EPHA1: variants seen among roughly 807,000 people sequenced by gnomAD.
The protein encoded by EPHA1 is ephrin type-A receptor 1.
EPHA1 carries 92 observed loss-of-function variants against 110.1 expected under a neutral mutation model. That is an observed-to-expected ratio of 0.84 (90% confidence interval 0.71 to 0.99). The LOEUF is 0.99. EPHA1 is among the 50% of genes least tolerant of loss of function. The pLI is 0.00. For missense variants in EPHA1, 1,204 were observed against 1,285.4 expected, an observed-to-expected ratio of 0.94 and a Z score of 0.97; for synonymous variants, 500 against 516.1, an observed-to-expected ratio of 0.97 and a Z score of 0.42.
At position 143,398,840 on chromosome 7, in the gene EPHA1, T is replaced by A. The variant is rs751098607; in HGVS notation, c.1097A>T (p.Tyr366Phe). The change falls in exon 6 of 18, where the codon TAC becomes TTC. Residue 366 changes from tyrosine (Y) to phenylalanine (F), a missense_variant. Coordinates refer to ENST00000275815, the MANE Select transcript of EPHA1 (RefSeq NM_005232.5). Reference protein sequence around the residue: ...ADTGGRQDVRYSVRCSQCQGT... With the variant: ...ADTGGRQDVRFSVRCSQCQGT... ...CTGACACTGGGAACACCTCACACTG[T>A]ATCTGACATCCTGGCGTCCCCCCGT... is the stretch of plus-strand genomic sequence containing the variant. 8 of 1,613,552 alleles carry A rather than the reference T, an allele frequency of 5.0e-6. No homozygotes were observed. The South Asian group carries it at 8.8e-5, about 18-fold the overall frequency.
chr7:143,402,439 C>T (rs1217207455), intron 2 of EPHA1, among the ~76,000 whole-genome samples: 2 of 152,080 alleles, frequency 1.3e-5, no homozygotes, highest in Admixed American at 6.6e-5. Flanking sequence ...CAGGCTGGAG[C>T]TGGAGTGCAG....
In EPHA1 at chr7:143,391,519, C is replaced by G; in HGVS notation, c.2869G>C (p.Gly957Arg). The G allele has an allele frequency of 6.2e-7, 1 of 1,614,160 alleles. No individual in the cohort carries two copies. ...TTCTGGTGCCCGGGCAGTGTGATTC[C>G]CATCTGCGTCAGGTCCCTGTGGGCA... is the stretch of plus-strand genomic sequence containing the variant. ...ELTAEDLTQM[G>R]ITLPGHQKRI... is the part of the protein sequence containing the mutation. The change falls in exon 18 of 18, where the codon GGA becomes CGA. Residue 957 changes from glycine to arginine, a missense_variant. Gly to Arg is a moderately radical substitution (Grantham distance 125). Coordinates refer to ENST00000275815, the MANE Select transcript of EPHA1 (RefSeq NM_005232.5).
chr7:143,399,568 G>A (rs1221089603), intron 4 of EPHA1, 83 bp downstream of exon 4: 52 of 1,582,948 alleles, frequency 3.3e-5, no homozygotes, highest in South Asian at 9.5e-5. Context: ...CCACTGAGGC[G>A]GAGCACTGGC....
In EPHA1 at chr7:143,395,508, G is replaced by C; in HGVS notation, c.1898-4C>G. On this transcript the variant is annotated splice_polypyrimidine_tract_variant and splice_region_variant and intron_variant, in intron 11 of 17. Coordinates refer to ENST00000275815, the MANE Select transcript of EPHA1 (RefSeq NM_005232.5). The surrounding 1 kb of genome is among the most constrained non-coding windows in gnomAD (Gnocchi z 4.7). ...CGATACACTTCCCCAAACTCTCCTG[G>C]GTAGAAAGAAAACAGGCTGTGGCCC... The C allele has an allele frequency of 6.2e-7, 1 of 1,613,478 alleles. No homozygotes were observed. The highest frequency in any genetic ancestry group is 1.3e-5 in the African/African-American group (1 of 75,022).
chr7:143,408,708 G>T lies in EPHA1; in HGVS notation c.82+16C>A. On this transcript the variant is annotated intron_variant, in intron 1 of 17. Transcript: ENST00000275815. Reference sequence around the variant, plus strand: ...CGGGGCGCGGGGGTTGGGGGCGCGGGGGCGGGGGTCGGTACCTTCCTTGGC... The same window carrying T: ...CGGGGCGCGGGGGTTGGGGGCGCGGTGGCGGGGGTCGGTACCTTCCTTGGC... 1.6e-6 allele frequency: 1 copy of T among 610,646 alleles called. No individual in the cohort carries two copies. The highest frequency in any genetic ancestry group is 2.4e-6 in the Non-Finnish European group (1 of 425,258). 37.8% of individuals were successfully genotyped at this position (610,646 alleles called of 1,614,324 possible). A position where few individuals can be genotyped will look rare whatever the true frequency, so the allele number is the denominator to read the frequency against.
intron 16 of EPHA1, 80 bp from the exon 17 acceptor site, chr7:143,391,855 G>A (rs1412269524): frequency 1.3e-6 from 2 of 1,565,964 alleles, no homozygotes; most frequent in Non-Finnish European, 8.7e-7. Flanking sequence ...TCAGCAGCCA[G>A]CACTGAAGTT....
At position 143,393,534 on chromosome 7, in the gene EPHA1, A is replaced by G. The variant is rs974557094; in HGVS notation, c.2696+137T>C. 13 of 933,710 alleles carry G rather than the reference A, an allele frequency of 1.4e-5. 1 individual carries two copies. In the Middle Eastern group the frequency reaches 2.7e-3, roughly 196 times the overall value. 57.8% of individuals were successfully genotyped at this position (933,710 alleles called of 1,614,324 possible). A position where few individuals can be genotyped will look rare whatever the true frequency, so the allele number is the denominator to read the frequency against. Reference sequence around the variant, plus strand: ...AAGCTGACCTCTTGGACTCTCCCCAAGGGCACGTCTTGCCTCATACACTGG... The same window carrying G: ...AAGCTGACCTCTTGGACTCTCCCCAGGGGCACGTCTTGCCTCATACACTGG... On this transcript the variant is annotated intron_variant, in intron 16 of 17. Coordinates refer to ENST00000275815, the MANE Select transcript of EPHA1 (RefSeq NM_005232.5). This position sits in a 1 kb window ranked among gnomAD's most constrained non-coding sequence, Gnocchi z 5.6.
rs142650387 is a variant in EPHA1 at position 143,391,518 on chromosome 7, C to T, written c.2870G>A (p.Gly957Glu). 35 of 1,614,160 alleles carry T rather than the reference C, an allele frequency of 2.2e-5. No homozygotes were observed. In the African/African-American group the frequency reaches 4.3e-4, roughly 20 times the overall value. Residue 957 changes from glycine (G) to glutamate (E), a missense_variant, in exon 18 of 18, where the codon GGA (glycine) becomes GAA (glutamate). Physicochemically the swap from Gly to Glu is moderately conservative, Grantham distance 98. Coordinates refer to ENST00000275815, the MANE Select transcript of EPHA1 (RefSeq NM_005232.5). ...ELTAEDLTQM[G>E]ITLPGHQKRI... is the part of the protein sequence containing the mutation. ...CTTCTGGTGCCCGGGCAGTGTGATT[C>T]CCATCTGCGTCAGGTCCCTGTGGGC...
chr7:143,394,052 G>A (rs1459328612), intron 15 of EPHA1, 142 bp downstream of exon 15: 12 of 1,287,548 alleles, frequency 9.3e-6, no homozygotes, highest in Non-Finnish European at 1.3e-5. Flanking sequence ...ATGAGGTGAA[G>A]AACCAGAGGA....
chr7:143,401,558 G>C lies in EPHA1; in HGVS notation c.198C>G (p.Tyr66Ter). The change falls in exon 3 of 18, where the codon TAC becomes TAG. Residue 66 changes from tyrosine to a stop codon, truncating the protein, a stop_gained. Transcript: ENST00000275815. LOFTEE classifies it high-confidence loss of function. The surrounding 1 kb of genome is among the most constrained non-coding windows in gnomAD (Gnocchi z 4.1). ...QILNGTPLYM[Y>*]QDCPMQGRRD... ...TGCGTCCTTGCATTGGGCAGTCCTGGTACATGTACAGGGGTGTCCCATTCA... is the reference window on the plus strand; with the variant it reads ...TGCGTCCTTGCATTGGGCAGTCCTGCTACATGTACAGGGGTGTCCCATTCA... 1 of 1,614,134 alleles carries C rather than the reference G, an allele frequency of 6.2e-7. No homozygotes were observed. Among genetic ancestry groups the C allele is most frequent in the Non-Finnish European group, 8.5e-7 (1 of 1,180,034 alleles).
Position 143,408,399 on chromosome 7 carries a change from C to G in EPHA1, c.82+325G>C, listed in dbSNP as rs532705190. ...AGATCTCTGGGGTGGGCACCTGAAG[C>G]TGGGACTGTCTGGGAATGCAGGCAG... On this transcript the variant is annotated intron_variant, in intron 1 of 17. Coordinates refer to ENST00000275815, the MANE Select transcript of EPHA1 (RefSeq NM_005232.5). Among the ~76,000 whole-genome samples, 10 of 152,228 alleles carry G rather than the reference C, an allele frequency of 6.6e-5. No homozygotes were observed. In the South Asian group the frequency reaches 2.1e-3, roughly 32 times the overall value.
In EPHA1 at chr7:143,401,490, C is replaced by T. The variant is rs772621246; in HGVS notation, c.266G>A (p.Gly89Glu). 8 of 1,614,156 alleles carry T rather than the reference C, an allele frequency of 5.0e-6. No homozygotes were observed. The East Asian group carries it at 6.7e-5, about 13-fold the overall frequency. The change falls in exon 3 of 18, where the codon GGG becomes GAG. Residue 89 changes from glycine (G) to glutamate (E), a missense_variant. Coordinates refer to ENST00000275815, the MANE Select transcript of EPHA1 (RefSeq NM_005232.5). The surrounding 1 kb of genome is among the most constrained non-coding windows in gnomAD (Gnocchi z 4.1). ...HWLRSNWIYRGEEASRVHVEL... is the reference protein window; with the variant it reads ...HWLRSNWIYREEEASRVHVEL... ...CACGTGGACGCGGGAAGCCTCCTCC[C>T]CGCGGTAGATCCAATTGGAGCGAAG...
rs1327947552 is a variant in EPHA1 at position 143,394,807 on chromosome 7, C to T, written c.2352+1G>A. On this transcript the variant is annotated splice_donor_variant, in intron 14 of 17. Transcript: ENST00000275815. LOFTEE classifies it high-confidence loss of function. ...GCACTGGGTTTGTACCGGCCTCTAA[C>T]CTGGGTTTCGTATGTGCCATCAAAG... The T allele has an allele frequency of 1.2e-6, 2 of 1,614,040 alleles. No homozygotes were observed. Among genetic ancestry groups the T allele is most frequent in the South Asian group, 2.2e-5 (2 of 91,074 alleles).
chr7:143,396,611 C>CCCTGTTT, intron 10 of EPHA1, 101 bp from the exon 11 acceptor site: 2 of 1,428,376 alleles, frequency 1.4e-6, no homozygotes, highest in East Asian at 4.7e-5. Flanking sequence ...CTCCACACCT[C>CCCTGTTT]CCTGTTTCCC....
At chr7:143,397,728 G>A in intron 8 of EPHA1, 71 bp from the exon 9 acceptor site, 3 of 1,582,894 alleles carry the variant, frequency 1.9e-6, no homozygotes, top group Non-Finnish European at 2.6e-6. Flanking sequence ...TAAAGGGCAG[G>A]GCCCTGGGTA....
intron 2 of EPHA1, among the ~76,000 whole-genome samples, chr7:143,407,028 C>T (rs1282451835): frequency 2.0e-5 from 3 of 152,106 alleles, no homozygotes; most frequent in African/African-American, 7.2e-5. Flanking sequence ...GGAGGATGAG[C>T]TAAGGGCTCA....
rs1185363431 is a variant in EPHA1 at position 143,401,041 on chromosome 7, G to A, written c.432+283C>T. The A allele has an allele frequency of 2.3e-6, 1 of 439,454 alleles. No homozygotes were observed. The highest frequency in any genetic ancestry group is 4.2e-6 in the Non-Finnish European group (1 of 239,966). The allele number at this position is 439,454 out of a possible 1,614,324, so 27.2% of individuals were successfully genotyped here. ...CCTGAGTCGCTGGGACTACAGGTAT[G>A]GGCCACCATGCCCAGGTGATTTTTA... On this transcript the variant is annotated intron_variant, in intron 3 of 17. Transcript: ENST00000275815. This position sits in a 1 kb window ranked among gnomAD's most constrained non-coding sequence, Gnocchi z 4.1.
chr7:143,397,364 T>C lies in EPHA1; in HGVS notation c.1713-2A>G, dbSNP rs1805284391. ...TGCTGCCTCTGCCGCTGGGCTCTCC[T>C]GTGGGGGTTGGGGACCAGCTCCTTC... On this transcript the variant is annotated splice_acceptor_variant, in intron 9 of 17. Transcript: ENST00000275815. LOFTEE classifies it high-confidence loss of function. 6.5e-7 allele frequency: 1 copy of C among 1,549,596 alleles called. No homozygotes were observed. Among genetic ancestry groups the C allele is most frequent in the Non-Finnish European group, 8.7e-7 (1 of 1,146,682 alleles).
At chr7:143,396,013 G>A (rs1012321441) in intron 11 of EPHA1, among the ~76,000 whole-genome samples, 6 of 152,236 alleles carry the variant, frequency 3.9e-5, no homozygotes, top group Non-Finnish European at 8.8e-5. Context: ...CTCTGATGGG[G>A]TGGAATGCCA....
Sources: gnomAD v4.1 joint callset for allele counts (sites outside exome capture counted in the v4.1 genomes callset) on GRCh38, gnomAD v4.1.1 for gene constraint, Gnocchi (gnomAD v3.1) non-coding constraint, MANE v1.5 for transcripts, NCBI Gene and HGNC (gene_info 2026-07-23, HGNC 2026-07-21) for gene names.